The following HPSE2 variants were observed in gnomAD, a reference collection of about 807,000 sequenced individuals.
The protein encoded by HPSE2 is inactive heparanase-2.
HPSE2 carries 38 observed loss-of-function variants against 60.5 expected under a neutral mutation model. The ratio of observed to expected loss-of-function variants is 0.63; its 90% CI spans 0.48 to 0.82. HPSE2 has a LOEUF of 0.82. HPSE2 is among the 40% of genes least tolerant of loss of function. HPSE2 has a pLI of 0.00. For synonymous variants in HPSE2, 295 were observed against 293.2 expected, an observed-to-expected ratio of 1.01 and a Z score of -0.06; for missense variants, 713 against 740.4, an observed-to-expected ratio of 0.96 and a Z score of 0.43.
At chr10:99,128,529 T>G (rs1845253680) in intron 3 of HPSE2, among the ~76,000 whole-genome samples, 1 of 152,114 alleles carries the variant, frequency 6.6e-6, no homozygotes, top group African/African-American at 2.4e-5. Context: ...ATGTCCTTTG[T>G]AGGGACATGG....
chr10:99,202,018 C>A (rs1221222202), intron 2 of HPSE2, among the ~76,000 whole-genome samples: 2 of 152,142 alleles, frequency 1.3e-5, no homozygotes, highest in East Asian at 3.9e-4. Flanking sequence ...AAAACGAGAT[C>A]ACTGGAAGAG....
At chr10:99,071,542 A>G (rs1842790902) in intron 3 of HPSE2, among the ~76,000 whole-genome samples, 1 of 152,126 alleles carries the variant, frequency 6.6e-6, no homozygotes, top group South Asian at 2.1e-4. Flanking sequence ...TTTCTATCTC[A>G]TTGTAGTTTG....
the HPSE2 span, among the ~76,000 whole-genome samples, chr10:99,242,675 A>T: frequency 2.0e-5 from 3 of 152,232 alleles, no homozygotes; most frequent in Non-Finnish European, 4.4e-5. Context: ...TATTGAAAAA[A>T]GTGTGGACTT....
chr10:98,650,423 T>G (rs1306715846), intron 6 of HPSE2, among the ~76,000 whole-genome samples: 1 of 152,212 alleles, frequency 6.6e-6, no homozygotes. Flanking sequence ...AAAACACCTT[T>G]ATACCAATCA....
At chr10:99,289,551 A>G in the HPSE2 span, among the ~76,000 whole-genome samples, 1 of 152,018 alleles carries the variant, frequency 6.6e-6, no homozygotes, top group Non-Finnish European at 1.5e-5. Context: ...ACTCAGTGCC[A>G]AGAGTATTTT....
At chr10:99,077,600 G>A (rs1842988955) in intron 3 of HPSE2, among the ~76,000 whole-genome samples, 1 of 151,630 alleles carries the variant, frequency 6.6e-6, no homozygotes. Context: ...GTGTATATGT[G>A]TGTGTATCGA....
chr10:98,500,788 C>G (rs996443570), intron 9 of HPSE2, among the ~76,000 whole-genome samples: 15 of 151,656 alleles, frequency 9.9e-5, no homozygotes, highest in African/African-American at 3.6e-4. Flanking sequence ...CAAGAATAAC[C>G]AAGAAAAGAA....
intron 9 of HPSE2, among the ~76,000 whole-genome samples, chr10:98,524,671 A>C (rs1942906805): frequency 6.6e-6 from 1 of 152,212 alleles, no homozygotes; most frequent in Middle Eastern, 3.2e-3. Context: ...TATTGGTAGA[A>C]AGCACACATA....
rs918463360 is a variant in HPSE2, at chr10:99,227,037, T to C, written c.448+5311A>G. ...CATTATGTGAAATAAAATGAGATAA[T>C]AGAAAGTGGATAAGTTCAAGGCAAA... is the stretch of plus-strand genomic sequence containing the variant. On this transcript the variant is annotated intron_variant, in intron 2 of 11. Transcript: ENST00000370552. Among the ~76,000 whole-genome samples the C allele has an allele frequency of 2.1e-4, 32 of 152,060 alleles. 1 individual carries two copies. The highest frequency in any genetic ancestry group is 1.1e-3 in the Admixed American group (17 of 15,260).
intron 3 of HPSE2, among the ~76,000 whole-genome samples, chr10:99,037,835 A>C (rs112285176): frequency 3.3e-5 from 5 of 152,166 alleles, no homozygotes; most frequent in African/African-American, 1.2e-4. Flanking sequence ...AATTTCTCCA[A>C]ACTCACAGTA....
intron 3 of HPSE2, among the ~76,000 whole-genome samples, chr10:98,826,046 A>G (rs192298397): frequency 4.5e-4 from 69 of 152,322 alleles, no homozygotes; most frequent in African/African-American, 1.6e-3. Flanking sequence ...ATTCATTTTC[A>G]GTCATTTAAC....
intron 2 of HPSE2, among the ~76,000 whole-genome samples, chr10:99,147,534 C>A (rs766434424): frequency 1.6e-4 from 25 of 152,150 alleles, no homozygotes; most frequent in Non-Finnish European, 3.7e-4. Flanking sequence ...GCAACAATTA[C>A]AACTGATATC....
At chr10:99,060,113 A>T (rs1051342947) in intron 3 of HPSE2, among the ~76,000 whole-genome samples, 1 of 152,080 alleles carries the variant, frequency 6.6e-6, no homozygotes, top group Non-Finnish European at 1.5e-5. Flanking sequence ...AAAAGAGGAC[A>T]ATCATTTAAA....
intron 2 of HPSE2, among the ~76,000 whole-genome samples, chr10:99,166,678 T>A (rs951929915): frequency 6.6e-6 from 1 of 152,170 alleles, no homozygotes; most frequent in African/African-American, 2.4e-5. Flanking sequence ...ACTGTTCATA[T>A]CTCTTGCCCA....
At chr10:98,730,686 C>T (rs1949204856) in intron 4 of HPSE2, among the ~76,000 whole-genome samples, 1 of 151,306 alleles carries the variant, frequency 6.6e-6, no homozygotes, top group South Asian at 2.1e-4. Context: ...ATCTTTGTGC[C>T]AATAATTTAG....
At chr10:98,670,094 T>C (rs937600094) in intron 6 of HPSE2, among the ~76,000 whole-genome samples, 6 of 152,156 alleles carry the variant, frequency 3.9e-5, no homozygotes, top group Non-Finnish European at 7.3e-5. Context: ...GTCATTGTCA[T>C]GTTTCAAGGA....
At chr10:98,624,019 A>G (rs897821217) in intron 7 of HPSE2, among the ~76,000 whole-genome samples, 1 of 152,178 alleles carries the variant, frequency 6.6e-6, no homozygotes, top group East Asian at 1.9e-4. Context: ...ACATTAATGC[A>G]TTATCAAGGG....
chr10:98,916,806 T>C (rs995962260), intron 3 of HPSE2, among the ~76,000 whole-genome samples: 1 of 152,226 alleles, frequency 6.6e-6, no homozygotes, highest in African/African-American at 2.4e-5. Flanking sequence ...GTCTGGCCCC[T>C]GCCTGTATAC....
At chr10:98,791,251 T>C (rs1950649212) in intron 3 of HPSE2, among the ~76,000 whole-genome samples, 2 of 152,030 alleles carry the variant, frequency 1.3e-5, no homozygotes, top group Non-Finnish European at 2.9e-5. Context: ...CATTAGAACT[T>C]GGAGGAGGGA....
Sources: gnomAD v4.1 joint callset for allele counts (sites outside exome capture counted in the v4.1 genomes callset) on GRCh38, gnomAD v4.1.1 for gene constraint, MANE v1.5 for transcripts, NCBI Gene and HGNC (gene_info 2026-07-23, HGNC 2026-07-21) for gene names.